The following WWP2 variants were observed in gnomAD, a reference collection of about 807,000 sequenced individuals.
The protein encoded by WWP2 is WW domain containing E3 ubiquitin protein ligase 2.
WWP2 carries 57 observed loss-of-function variants against 121.0 expected under a neutral mutation model. The ratio of observed to expected loss-of-function variants is 0.47; its 90% CI spans 0.38 to 0.59. The LOEUF is 0.59. WWP2 is among the 20% of genes least tolerant of loss of function. The probability of loss-of-function intolerance (pLI) is 0.00; values close to 1 mark genes in which losing one functional copy is unlikely to be tolerated. For synonymous variants in WWP2, 449 were observed against 441.3 expected (o/e 1.02, Z -0.22); for missense variants, 962 against 1,158.9 (o/e 0.83, Z 2.47).
At chr16:69,822,738 G>A (rs764729346) in intron 4 of WWP2, among the ~76,000 whole-genome samples, 11 of 152,182 alleles carry the variant, frequency 7.2e-5, no homozygotes, top group Non-Finnish European at 1.0e-4. Context: ...CACACAGGAG[G>A]CCAACGGCAG....
chr16:69,799,203 T>G lies in WWP2; in HGVS notation c.248T>G (p.Leu83Ter). ...GTCACGGCACAGAGTCATTTAGATT[T>G]AAAGGTCTGGAGCTGCCATACCTTG... ...LNVTAQSHLD[L>*]KVWSCHTLRN... The change falls in exon 4 of 24, where the codon TTA becomes TGA. Residue 83 changes from leucine (L) to a stop codon, truncating the protein, a stop_gained. Transcript: ENST00000359154. LOFTEE classifies it high-confidence loss of function. The surrounding 1 kb of genome is among the most constrained non-coding windows in gnomAD (Gnocchi z 4.5). 1 of 1,613,950 alleles carries G rather than the reference T, an allele frequency of 6.2e-7. No homozygotes were observed. The highest frequency in any genetic ancestry group is 1.1e-5 in the South Asian group (1 of 91,060).
chr16:69,883,990 C>A (rs149732292), intron 7 of WWP2, among the ~76,000 whole-genome samples: 2 of 152,168 alleles, frequency 1.3e-5, no homozygotes, highest in African/African-American at 4.8e-5. Flanking sequence ...GTTACTAAAA[C>A]TTTAAAAAAA....
chr16:69,770,925 G>A (rs2055400935), intron 1 of WWP2, among the ~76,000 whole-genome samples: 1 of 151,116 alleles, frequency 6.6e-6, no homozygotes, highest in African/African-American at 2.4e-5. Flanking sequence ...TTGAGCCCAG[G>A]AGTTTGAGAT....
rs773218849 is a variant in WWP2 at position 69,871,806 on chromosome 16, C to T, written c.578C>T (p.Thr193Met). 2.3e-5 allele frequency: 37 copies of T among 1,613,944 alleles called. No individual in the cohort carries two copies. The highest frequency in any genetic ancestry group is 6.7e-5 in the Admixed American group (4 of 60,008). The stretch of plus-strand genomic sequence containing the variant: ...TGCTTTCTACTTTGAACCCCCAGGA[C>T]GCACAGACATTCGGGTGCTTCAGCC... The part of the protein sequence containing the change: ...STNCFGGRSR[T>M]HRHSGASART... Residue 193 changes from threonine (T) to methionine (M), a missense_variant and splice_region_variant, in exon 7 of 24, where the codon ACG (threonine) becomes ATG (methionine). This residue lies in a region of WWP2 where 211 missense variants were observed against 196.5 expected (regional missense o/e 1.07). Coordinates refer to ENST00000359154, the MANE Select transcript of WWP2 (RefSeq NM_001270454.2).
chr16:69,829,607 T>C (rs1162345003), intron 4 of WWP2, among the ~76,000 whole-genome samples: 1 of 152,202 alleles, frequency 6.6e-6, no homozygotes, highest in African/African-American at 2.4e-5. Context: ...TCTTGAAACT[T>C]AGATGACAGT....
chr16:69,887,228 C>G (rs1305643681), intron 7 of WWP2, among the ~76,000 whole-genome samples: 3 of 152,128 alleles, frequency 2.0e-5, no homozygotes, highest in Non-Finnish European at 4.4e-5. Context: ...TTCTTGCTTC[C>G]TACTTTGAGC....
At chr16:69,809,985 C>T (rs2056356516) in intron 4 of WWP2, among the ~76,000 whole-genome samples, 2 of 152,212 alleles carry the variant, frequency 1.3e-5, no homozygotes, top group Admixed American at 6.5e-5. Context: ...TCAAATCGTG[C>T]ATACAGTTGT....
At chr16:69,859,665 C>T (rs536634323) in intron 6 of WWP2, among the ~76,000 whole-genome samples, 2 of 152,232 alleles carry the variant, frequency 1.3e-5, no homozygotes, top group South Asian at 4.2e-4. Context: ...GCGGGGGTCC[C>T]TCTCAACTCC....
At chr16:69,909,951 G>T in intron 9 of WWP2, 1 of 156,648 alleles carries the variant, frequency 6.4e-6, no homozygotes, top group Non-Finnish European at 1.4e-5. Context: ...TTGTAAATAA[G>T]GTTTTATTGG....
intron 6 of WWP2, among the ~76,000 whole-genome samples, chr16:69,864,580 C>T (rs1054548243): frequency 9.9e-5 from 15 of 151,896 alleles, no homozygotes; most frequent in African/African-American, 3.6e-4. Flanking sequence ...GACAGAGTCT[C>T]GCTCTGTCAC....
chr16:69,891,995 A>G (rs183940035), intron 8 of WWP2, among the ~76,000 whole-genome samples: 2 of 152,248 alleles, frequency 1.3e-5, no homozygotes, highest in African/African-American at 4.8e-5. Flanking sequence ...TGTAATTTGC[A>G]TACGATTTAT....
chr16:69,906,555 T>C (rs947308449), intron 8 of WWP2, among the ~76,000 whole-genome samples: 1 of 152,252 alleles, frequency 6.6e-6, no homozygotes, highest in African/African-American at 2.4e-5. Context: ...CTATAACATA[T>C]GTGCTCCTAA....
At chr16:69,913,126 G>A (rs1021501654) in intron 9 of WWP2, among the ~76,000 whole-genome samples, 2 of 144,830 alleles carry the variant, frequency 1.4e-5, no homozygotes, top group African/African-American at 5.0e-5. Flanking sequence ...CCAGGTTCAA[G>A]CGATTCTCCT....
chr16:69,868,661 G>GCGCGCA (rs974241867), intron 6 of WWP2, among the ~76,000 whole-genome samples: 9 of 149,224 alleles, frequency 6.0e-5, no homozygotes, highest in African/African-American at 2.2e-4. Flanking sequence ...ATACACATGT[G>GCGCGCA]CACACACACA....
intron 6 of WWP2, among the ~76,000 whole-genome samples, chr16:69,864,990 G>C (rs141758388): frequency 6.6e-5 from 10 of 152,160 alleles, no homozygotes; most frequent in Non-Finnish European, 1.5e-4. Flanking sequence ...AAGAACTTAT[G>C]ATGTTGAGCA....
At chr16:69,927,550 C>G (rs2058656979) in intron 11 of WWP2, among the ~76,000 whole-genome samples, 1 of 152,252 alleles carries the variant, frequency 6.6e-6, no homozygotes, top group African/African-American at 2.4e-5. Context: ...GCCAGCCGGC[C>G]TTGGGAGGCC....
chr16:69,818,788 TG>T (rs1351637413), intron 4 of WWP2, among the ~76,000 whole-genome samples: 2 of 152,150 alleles, frequency 1.3e-5, no homozygotes, highest in Admixed American at 6.6e-5. Flanking sequence ...TCTGCAAACA[TG>T]GGGGTGCTCC....
rs1472086169 is a variant in WWP2, at chr16:69,931,164, T to C, written c.1458T>C (p.Gly486=). The C allele has an allele frequency of 1.2e-6, 2 of 1,614,032 alleles. No homozygotes were observed. The highest frequency in any genetic ancestry group is 1.7e-6 in the Non-Finnish European group (2 of 1,180,016). ...TTGCTCTTCCTAGGACGAAGCAAGGTTCCCCTGGTGCTTATGACCGCAGTT... is the reference window on the plus strand; with the variant it reads ...TTGCTCTTCCTAGGACGAAGCAAGGCTCCCCTGGTGCTTATGACCGCAGTT... ...RPGFESGTKQ[G]SPGAYDRSFR... Residue 486 remains glycine, a synonymous_variant, in exon 14 of 24, where the codon GGT becomes GGC. Transcript: ENST00000359154.
At chr16:69,775,835 GA>G (rs1230149663) in intron 1 of WWP2, among the ~76,000 whole-genome samples, 23 of 152,292 alleles carry the variant, frequency 1.5e-4, no homozygotes, top group African/African-American at 4.8e-4. Flanking sequence ...AATAGGAAAT[GA>G]GATAAATAGT....
Sources: gnomAD v4.1 joint callset for allele counts (sites outside exome capture counted in the v4.1 genomes callset) on GRCh38, gnomAD v4.1.1 for gene constraint, gnomAD v4.1.1 regional missense constraint, Gnocchi (gnomAD v3.1) non-coding constraint, MANE v1.5 for transcripts, NCBI Gene and HGNC (gene_info 2026-07-23, HGNC 2026-07-21) for gene names.